Variants in ATF7IP2 observed in about 807,000 individuals in gnomAD.
The protein encoded by ATF7IP2 is activating transcription factor 7-interacting protein 2.
A neutral mutation model predicts 64.2 loss-of-function variants in ATF7IP2; 42 were observed. The ratio of observed to expected loss-of-function variants is 0.65; its 90% CI spans 0.51 to 0.85. The LOEUF is 0.85. Ranked by LOEUF, ATF7IP2 falls within the 40% of genes least tolerant of loss-of-function variation. ATF7IP2 has a pLI of 0.00. For synonymous variants in ATF7IP2, 308 were observed against 272.8 expected (o/e 1.13, Z -1.27); for missense variants, 933 against 784.2 (o/e 1.19, Z -2.27).
At chr16:10,467,794 C>T (rs1181858113) in intron 9 of ATF7IP2, among the ~76,000 whole-genome samples, 1 of 151,934 alleles carries the variant, frequency 6.6e-6, no homozygotes, top group Non-Finnish European at 1.5e-5. Flanking sequence ...CTCAGGTGAT[C>T]CACCCGCCTC....
At chr16:10,420,689 T>A (rs1452738181) in intron 3 of ATF7IP2, among the ~76,000 whole-genome samples, 2 of 152,156 alleles carry the variant, frequency 1.3e-5, no homozygotes, top group Non-Finnish European at 2.9e-5. Context: ...ATTGGGAAAA[T>A]AATCAGTTGT....
chr16:10,396,906 G>C (rs866711945), intron 1 of ATF7IP2, among the ~76,000 whole-genome samples: 1 of 152,010 alleles, frequency 6.6e-6, no homozygotes, highest in Non-Finnish European at 1.5e-5. Context: ...GGCTCAAGCA[G>C]TCCTCCTGCT....
chr16:10,402,026 C>T (rs1567427837), intron 1 of ATF7IP2, among the ~76,000 whole-genome samples: 1 of 151,878 alleles, frequency 6.6e-6, no homozygotes, highest in Non-Finnish European at 1.5e-5. Context: ...TAGTAGTTTT[C>T]CAATTTTGTT....
rs1046706684 is a variant in ATF7IP2, at chr16:10,404,628, C to G, written c.-241-9946C>G. Among the ~76,000 whole-genome samples the G allele has an allele frequency of 7.2e-5, 11 of 152,278 alleles. No individual in the cohort carries two copies. In the South Asian group the frequency reaches 2.3e-3, roughly 32 times the overall value. ...GCACGATCATGGCTTACTGCAACCT[C>G]CACCTCCAGGTTTAAGCAGTTCTCA... On this transcript the variant is annotated intron_variant, in intron 1 of 13. Transcript: ENST00000562102.
chr16:10,464,035 G>T (rs1164683328), intron 9 of ATF7IP2, among the ~76,000 whole-genome samples: 1 of 152,180 alleles, frequency 6.6e-6, no homozygotes, highest in African/African-American at 2.4e-5. Flanking sequence ...AATGCCTTGA[G>T]AGAAGAACAC....
intron 9 of ATF7IP2, among the ~76,000 whole-genome samples, chr16:10,470,325 C>A (rs1012296672): frequency 6.6e-6 from 1 of 151,944 alleles, no homozygotes; most frequent in Admixed American, 6.6e-5. Flanking sequence ...TAGGGATAAA[C>A]CAAAACCACC....
intron 8 of ATF7IP2, 185 bp from the exon 9 acceptor site, chr16:10,457,187 C>T (rs555870573): frequency 8.4e-4 from 437 of 522,588 alleles, no homozygotes; most frequent in Non-Finnish European, 1.2e-3. Flanking sequence ...TTTATTTCTT[C>T]GGAGTTTTTA....
chr16:10,409,530 C>A (rs1009493576), intron 1 of ATF7IP2, among the ~76,000 whole-genome samples: 4 of 151,300 alleles, frequency 2.6e-5, no homozygotes, highest in African/African-American at 9.7e-5. Context: ...TTTAATGAGC[C>A]ATTCTCTTGC....
chr16:10,405,959 C>T (rs541320269), intron 1 of ATF7IP2, among the ~76,000 whole-genome samples: 66 of 152,138 alleles, frequency 4.3e-4, no homozygotes, highest in African/African-American at 1.3e-3. Flanking sequence ...TGTGGTGGCA[C>T]GTGCCTGTAA....
chr16:10,400,930 C>T (rs1042267556), intron 1 of ATF7IP2, among the ~76,000 whole-genome samples: 12 of 151,846 alleles, frequency 7.9e-5, no homozygotes, highest in East Asian at 1.9e-4. Context: ...GTGATCCACC[C>T]GCCTCAGGTG....
At chr16:10,450,176 C>G (rs2048939297) in intron 8 of ATF7IP2, among the ~76,000 whole-genome samples, 1 of 152,124 alleles carries the variant, frequency 6.6e-6, no homozygotes, top group African/African-American at 2.4e-5. Flanking sequence ...GCACTGTGGT[C>G]TGAGAGACTG....
At position 10,483,106 on chromosome 16, in the gene ATF7IP2, T is replaced by C. The variant is rs1010512803; in HGVS notation, c.*857T>C. On this transcript the variant is annotated 3_prime_UTR_variant, in exon 14 of 14. Coordinates refer to ENST00000562102, the MANE Select transcript of ATF7IP2 (RefSeq NM_001393719.1). ...TTCATTTGTGCTCTCCTCTTTTTTGTTTTGTTTTGCACTTTGTCAATCATT... is the reference window on the plus strand; with the variant it reads ...TTCATTTGTGCTCTCCTCTTTTTTGCTTTGTTTTGCACTTTGTCAATCATT... 1.3e-5 allele frequency: 2 copies of C among 152,240 alleles called. No homozygotes were observed. Among genetic ancestry groups the C allele is most frequent in the Admixed American group, 1.3e-4 (2 of 15,286 alleles). 9.4% of individuals were successfully genotyped at this position (152,240 alleles called of 1,614,324 possible). A position where few individuals can be genotyped will look rare whatever the true frequency, so the allele number is the denominator to read the frequency against.
intron 8 of ATF7IP2, among the ~76,000 whole-genome samples, chr16:10,442,712 C>T (rs1047881221): frequency 6.6e-6 from 1 of 152,128 alleles, no homozygotes; most frequent in Non-Finnish European, 1.5e-5. Flanking sequence ...GGGTTCCTAT[C>T]ACGATACAGA....
At chr16:10,440,017 A>G (rs1224155626) in intron 7 of ATF7IP2, among the ~76,000 whole-genome samples, 3 of 151,904 alleles carry the variant, frequency 2.0e-5, no homozygotes, top group Non-Finnish European at 4.4e-5. Flanking sequence ...AAAATTAGCC[A>G]GGTATGGTGG....
intron 8 of ATF7IP2, chr16:10,446,405 G>A (rs1309485384): frequency 6.6e-6 from 1 of 152,198 alleles, no homozygotes; most frequent in Non-Finnish European, 1.5e-5. Flanking sequence ...TTGATGAGGT[G>A]TGATTACAAC....
intron 12 of ATF7IP2, 108 bp downstream of exon 12, chr16:10,474,097 T>C (rs909021993): frequency 1.1e-5 from 8 of 704,714 alleles, no homozygotes; most frequent in African/African-American, 1.1e-4. Context: ...AGTGTGCCTA[T>C]GTTTATATCT....
intron 12 of ATF7IP2, among the ~76,000 whole-genome samples, chr16:10,478,524 A>T (rs893371783): frequency 6.6e-6 from 1 of 152,210 alleles, no homozygotes; most frequent in Admixed American, 6.5e-5. Context: ...TAAAGACTTA[A>T]ACGTTAGACC....
At chr16:10,421,769 C>G (rs1476987693) in intron 3 of ATF7IP2, among the ~76,000 whole-genome samples, 2 of 152,202 alleles carry the variant, frequency 1.3e-5, no homozygotes, top group Non-Finnish European at 2.9e-5. Context: ...CGAGTAGATT[C>G]AATTGCTTGC....
At position 10,412,010 on chromosome 16, in the gene ATF7IP2, G is replaced by GTTTTTTTTTTTTTTT. The variant is rs71133351; in HGVS notation, c.-241-2549_-241-2535dup. ...CTTTTTGTTTCATTTATCTTTTTTT[G>GTTTTTTTTTTTTTTT]TTTTTTTTTTTTTTTTTTTTTTTTT... On this transcript the variant is annotated intron_variant, in intron 1 of 13. Transcript: ENST00000562102. Among the ~76,000 whole-genome samples, 8 of 58,396 alleles carry GTTTTTTTTTTTTTTT rather than the reference G, an allele frequency of 1.4e-4. 1 individual carries two copies. Among genetic ancestry groups the GTTTTTTTTTTTTTTT allele is most frequent in the Admixed American group, 2.6e-4 (1 of 3,854 alleles). The allele number at this position is 58,396 out of a possible 152,430, so 38.3% of individuals were successfully genotyped here.
Sources: gnomAD v4.1 joint callset for allele counts (sites outside exome capture counted in the v4.1 genomes callset) on GRCh38, gnomAD v4.1.1 for gene constraint, MANE v1.5 for transcripts, NCBI Gene and HGNC (gene_info 2026-07-23, HGNC 2026-07-21) for gene names.